POU6F2: variants seen among roughly 807,000 people sequenced by gnomAD.
POU6F2 encodes the protein POU class 6 homeobox 2.
Under a neutral mutation model 71.3 loss-of-function variants are expected in POU6F2, and 31 were observed. That is an observed-to-expected ratio of 0.43 (90% CI 0.33 to 0.59). POU6F2 has a LOEUF of 0.59. Among genes scored for constraint, POU6F2 ranks in the 20% least tolerant of loss-of-function variants. The pLI is 0.04. For synonymous variants in POU6F2, 347 were observed against 355.7 expected (o/e 0.98, Z 0.27); for missense variants, 783 against 856.8 (o/e 0.91, Z 1.07).
At chr7:39,236,863 G>C (rs1794684994) in intron 4 of POU6F2, among the ~76,000 whole-genome samples, 1 of 152,204 alleles carries the variant, frequency 6.6e-6, no homozygotes. Context: ...TACTAAAACT[G>C]TAAGTATCCT....
intron 4 of POU6F2, among the ~76,000 whole-genome samples, chr7:39,316,879 A>G (rs1455695017): frequency 6.6e-6 from 1 of 152,222 alleles, no homozygotes; most frequent in African/African-American, 2.4e-5. Context: ...AAATAAACTC[A>G]TGTGGAGGTG....
Position 39,046,178 on chromosome 7 carries a change from T to C in POU6F2, c.106-39682T>C, listed in dbSNP as rs143951363. On this transcript the variant is annotated intron_variant, in intron 1 of 9. Coordinates refer to ENST00000518318, the MANE Select transcript of POU6F2 (RefSeq NM_001370959.1). ...ATGGATTTATTGTGGTATCTCATTG[T>C]GGTTTAATTTGCGTTTCTCAAATTA... Among the ~76,000 whole-genome samples, 457 of 152,082 alleles carry C rather than the reference T, an allele frequency of 3.0e-3. 2 individuals carry two copies. Among genetic ancestry groups the C allele is most frequent in the South Asian group, 0.014 (70 of 4,828 alleles).
intron 6 of POU6F2, among the ~76,000 whole-genome samples, chr7:39,417,191 A>G (rs1005144218): frequency 2.0e-5 from 3 of 152,236 alleles, no homozygotes; most frequent in Non-Finnish European, 4.4e-5. Flanking sequence ...GAGCGACATT[A>G]AACTTTCAAA....
intron 4 of POU6F2, among the ~76,000 whole-genome samples, chr7:39,298,285 C>T (rs569364683): frequency 1.3e-5 from 2 of 152,250 alleles, no homozygotes; most frequent in African/African-American, 4.8e-5. Flanking sequence ...GTCTAATATC[C>T]AGAATTTACA....
At chr7:39,150,722 C>T (rs1380601919) in intron 2 of POU6F2, among the ~76,000 whole-genome samples, 1 of 151,968 alleles carries the variant, frequency 6.6e-6, no homozygotes, top group African/African-American at 2.4e-5. Flanking sequence ...CCTGCCTCAC[C>T]CTCCCAAAGT....
chr7:39,410,199 G>A (rs749283975), intron 6 of POU6F2, among the ~76,000 whole-genome samples: 3 of 151,888 alleles, frequency 2.0e-5, no homozygotes, highest in Non-Finnish European at 2.9e-5. Context: ...AAATTAGCTG[G>A]GTCTGGTGGC....
At chr7:39,122,617 A>T (rs1164379631) in intron 2 of POU6F2, among the ~76,000 whole-genome samples, 1 of 151,586 alleles carries the variant, frequency 6.6e-6, no homozygotes, top group African/African-American at 2.4e-5. Context: ...TTTATTTTAG[A>T]TTGACTGCTA....
chr7:39,015,877 ATATATAT>A (rs797003411), intron 1 of POU6F2, among the ~76,000 whole-genome samples: 2,578 of 49,546 alleles, frequency 0.052, 279 homozygotes, highest in East Asian at 0.27. Context: ...TTATATATAG[ATATATAT>A]TATATATTAT....
intron 4 of POU6F2, among the ~76,000 whole-genome samples, chr7:39,212,854 T>A (rs977502353): frequency 1.3e-5 from 2 of 152,166 alleles, no homozygotes; most frequent in Non-Finnish European, 2.9e-5. Context: ...CAAAATAAAA[T>A]CCCCTTTATG....
chr7:39,100,749 G>A (rs1324915217), intron 2 of POU6F2, among the ~76,000 whole-genome samples: 1 of 152,100 alleles, frequency 6.6e-6, no homozygotes, highest in African/African-American at 2.4e-5. Context: ...ATTTATAGCT[G>A]TATCGCCCCT....
At chr7:39,157,315 G>C (rs1792891289) in intron 2 of POU6F2, among the ~76,000 whole-genome samples, 1 of 152,142 alleles carries the variant, frequency 6.6e-6, no homozygotes, top group African/African-American at 2.4e-5. Flanking sequence ...CACAATTAGG[G>C]AGGTGGTAAT....
intron 1 of POU6F2, among the ~76,000 whole-genome samples, chr7:38,992,774 C>T (rs1284080116): frequency 1.3e-5 from 2 of 152,080 alleles, no homozygotes; most frequent in Admixed American, 1.3e-4. Flanking sequence ...AATATTACTC[C>T]GGGTGGAAAT....
intron 1 of POU6F2, among the ~76,000 whole-genome samples, chr7:39,031,641 G>A (rs11773717): frequency 0.17 from 25,482 of 152,098 alleles, 2,538 homozygotes; most frequent in Non-Finnish European, 0.23. Context: ...CCAGCACTTT[G>A]GGAGGCCAAA....
intron 4 of POU6F2, among the ~76,000 whole-genome samples, chr7:39,315,980 G>A (rs1785260068): frequency 6.6e-6 from 1 of 152,198 alleles, no homozygotes; most frequent in African/African-American, 2.4e-5. Flanking sequence ...GATGAGAGAA[G>A]TTGGTTGGGA....
chr7:39,063,036 G>A (rs140531892), intron 1 of POU6F2, among the ~76,000 whole-genome samples: 46 of 152,194 alleles, frequency 3.0e-4, no homozygotes, highest in African/African-American at 9.2e-4. Flanking sequence ...GTAAATGATA[G>A]TCTGGATAGC....
At chr7:39,190,415 CTT>C (rs1359461973) in intron 2 of POU6F2, among the ~76,000 whole-genome samples, 1 of 32,994 alleles carries the variant, frequency 3.0e-5, no homozygotes, top group African/African-American at 1.6e-4. Flanking sequence ...TCCTCCTTTT[CTT>C]AAAAAAAAAA....
chr7:39,034,672 T>C (rs932987430), intron 1 of POU6F2, among the ~76,000 whole-genome samples: 3 of 152,158 alleles, frequency 2.0e-5, no homozygotes, highest in Admixed American at 6.6e-5. Flanking sequence ...GTGTGAATCT[T>C]GAGCTTCAAA....
intron 4 of POU6F2, among the ~76,000 whole-genome samples, chr7:39,322,527 C>T (rs991955925): frequency 6.6e-6 from 1 of 152,194 alleles, no homozygotes; most frequent in Non-Finnish European, 1.5e-5. Flanking sequence ...ACCTGCAGTA[C>T]TTTTCTGTTT....
intron 1 of POU6F2, among the ~76,000 whole-genome samples, chr7:39,063,813 G>A (rs1489407800): frequency 6.6e-6 from 1 of 152,076 alleles, no homozygotes; most frequent in Non-Finnish European, 1.5e-5. Context: ...CAGCAGATTA[G>A]TTTCAAAACA....
Sources: allele counts gnomAD v4.1 joint callset (sites outside exome capture counted in the v4.1 genomes callset), GRCh38; gene constraint gnomAD v4.1.1; transcripts MANE v1.5; gene names NCBI Gene and HGNC (gene_info 2026-07-23, HGNC 2026-07-21).